Variants in SYNE2 observed in about 807,000 individuals in gnomAD.
SYNE2 encodes nesprin-2.
SYNE2 carries 431 observed loss-of-function variants against 856.3 expected under a neutral mutation model. That is an observed-to-expected ratio of 0.50 (90% CI 0.47 to 0.55). The LOEUF is 0.55. SYNE2 is among the 20% of genes least tolerant of loss of function. SYNE2 has a pLI of 0.00. For synonymous variants in SYNE2, 2,923 were observed against 2,872.3 expected (o/e 1.02, Z -0.56); for missense variants, 8,129 against 8,023.2 (o/e 1.01, Z -0.50).
At chr14:63,919,755 A>G (rs1363714094) in intron 2 of SYNE2, among the ~76,000 whole-genome samples, 1 of 152,196 alleles carries the variant, frequency 6.6e-6, no homozygotes, top group African/African-American at 2.4e-5. Flanking sequence ...ACAGCAGTCA[A>G]GTAAGGTCAG....
At chr14:64,054,811 A>C (rs1197260492) in intron 48 of SYNE2, among the ~76,000 whole-genome samples, 2 of 152,178 alleles carry the variant, frequency 1.3e-5, no homozygotes, top group African/African-American at 4.8e-5. Flanking sequence ...GATCACATTA[A>C]ATTTTTAGAA....
intron 103 of SYNE2, among the ~76,000 whole-genome samples, chr14:64,210,505 G>C (rs2098634748): frequency 6.6e-6 from 1 of 152,026 alleles, no homozygotes; most frequent in South Asian, 2.1e-4. Context: ...GTTTTTATGG[G>C]ACCCCCCCCA....
chr14:63,872,453 A>T (rs896323079), intron 1 of SYNE2, among the ~76,000 whole-genome samples: 1 of 151,236 alleles, frequency 6.6e-6, no homozygotes. Context: ...AAGACAAGAA[A>T]AATCCAACAA....
chr14:64,213,352 G>A (rs1043439597), intron 105 of SYNE2, among the ~76,000 whole-genome samples: 2 of 152,176 alleles, frequency 1.3e-5, no homozygotes, highest in Admixed American at 6.5e-5. Context: ...ACTTAGGAAT[G>A]TATTTGCCCT....
intron 1 of SYNE2, among the ~76,000 whole-genome samples, chr14:63,815,107 C>A (rs74185039): frequency 9.2e-6 from 1 of 108,666 alleles, no homozygotes; most frequent in Non-Finnish European, 1.9e-5. Context: ...TATATCCACA[C>A]ATATATCCAT....
intron 45 of SYNE2, 40 bp downstream of exon 45, chr14:64,031,397 A>C: frequency 6.4e-7 from 1 of 1,571,120 alleles, no homozygotes; most frequent in Non-Finnish European, 8.8e-7. Flanking sequence ...AGTGAGTCTG[A>C]GAATGAAGAG....
intron 100 of SYNE2, among the ~76,000 whole-genome samples, chr14:64,205,798 C>T (rs2140061552): frequency 6.6e-6 from 1 of 152,232 alleles, no homozygotes; most frequent in Non-Finnish European, 1.5e-5. Flanking sequence ...TTTAAGATCC[C>T]TGTCCTAGTT....
At chr14:63,902,080 G>C (rs1428365345) in intron 1 of SYNE2, among the ~76,000 whole-genome samples, 1 of 151,958 alleles carries the variant, frequency 6.6e-6, no homozygotes, top group Non-Finnish European at 1.5e-5. Flanking sequence ...CCCAACCTTT[G>C]GTTATGTTTC....
rs780277006 is a variant in SYNE2 at position 64,024,237 on chromosome 14, G to A, written c.5638-20G>A. The A allele has an allele frequency of 3.7e-6, 6 of 1,612,636 alleles. No homozygotes were observed. The highest frequency in any genetic ancestry group is 3.3e-4 in the Middle Eastern group (2 of 6,060). On this transcript the variant is annotated intron_variant, in intron 38 of 115. Coordinates refer to ENST00000555002, the MANE Select transcript of SYNE2 (RefSeq NM_182914.3). ...TCAGACTTGCCAGGAGATTGTAATG[G>A]ACTTTTTGTCTTTCTGAAGGATTTC...
intron 6 of SYNE2, among the ~76,000 whole-genome samples, chr14:63,946,257 G>A (rs2096024661): frequency 6.6e-6 from 1 of 151,462 alleles, no homozygotes; most frequent in African/African-American, 2.4e-5. Flanking sequence ...CCCCATCTCT[G>A]CAAAAATAAA....
Position 64,132,191 on chromosome 14 carries a change from A to G in SYNE2, c.14341-74A>G, listed in dbSNP as rs182304246. 1.6e-4 allele frequency: 246 copies of G among 1,543,172 alleles called. 2 individuals are homozygous for G. In the East Asian group the frequency reaches 4.5e-3, roughly 28 times the overall value. ...ATTTAAAACAAAAATAACTGGATAT[A>G]AAGTTGAAGTAACTTGGTTTTTAAG... is the stretch of plus-strand genomic sequence containing the variant. On this transcript the variant is annotated intron_variant, in intron 76 of 115. Transcript: ENST00000555002.
chr14:63,998,825 A>G (rs1003631326), intron 26 of SYNE2, 89 bp from the exon 27 acceptor site: 5 of 1,500,780 alleles, frequency 3.3e-6, no homozygotes, highest in Admixed American at 1.7e-5. Context: ...GGCCTCCCAA[A>G]GTGCTAGGAT....
At chr14:64,098,902 G>A (rs2153636539) in intron 63 of SYNE2, 81 bp downstream of exon 63, 1 of 1,350,488 alleles carries the variant, frequency 7.4e-7, no homozygotes, top group Non-Finnish European at 1.0e-6. Flanking sequence ...TAAAGTGAAT[G>A]GAAACCTAAG....
intron 79 of SYNE2, 87 bp from the exon 80 acceptor site, chr14:64,139,854 C>T (rs1460397750): frequency 2.2e-6 from 3 of 1,376,264 alleles, no homozygotes; most frequent in East Asian, 2.3e-5. Context: ...GGAGGACATA[C>T]AATAAAATAA....
intron 68 of SYNE2, 122 bp from the exon 69 acceptor site, chr14:64,121,890 A>G: frequency 2.3e-6 from 3 of 1,317,044 alleles, no homozygotes; most frequent in Non-Finnish European, 3.2e-6. Flanking sequence ...TGCAAGAAAG[A>G]GAAATAGTAA....
At chr14:63,857,186 C>G (rs1892027754) in intron 1 of SYNE2, among the ~76,000 whole-genome samples, 1 of 152,196 alleles carries the variant, frequency 6.6e-6, no homozygotes, top group Non-Finnish European at 1.5e-5. Context: ...CTTTCTGTCT[C>G]TGTGGATTAG....
At chr14:63,845,096 T>A (rs139278298) in intron 1 of SYNE2, among the ~76,000 whole-genome samples, 2,902 of 152,246 alleles carry the variant, frequency 0.019, 39 homozygotes, top group Admixed American at 0.032. Context: ...AATTTTGGCA[T>A]ATTGCAAGTT....
chr14:64,132,534 G>C, intron 77 of SYNE2, 96 bp downstream of exon 77: 1 of 1,484,528 alleles, frequency 6.7e-7, no homozygotes, highest in East Asian at 2.3e-5. Flanking sequence ...TTATCATTAA[G>C]CTATAGTTAA....
At chr14:64,148,640 C>T (rs927184513) in intron 84 of SYNE2, among the ~76,000 whole-genome samples, 5 of 152,160 alleles carry the variant, frequency 3.3e-5, no homozygotes, top group African/African-American at 1.2e-4. Flanking sequence ...CTACCTACTC[C>T]CACATTTCCA....
Sources: gnomAD v4.1 joint callset for allele counts (sites outside exome capture counted in the v4.1 genomes callset) on GRCh38, gnomAD v4.1.1 for gene constraint, MANE v1.5 for transcripts, NCBI Gene and HGNC (gene_info 2026-07-23, HGNC 2026-07-21) for gene names.